CELF5: variants seen among roughly 807,000 people sequenced by gnomAD.
CELF5 encodes CUG-BP and ETR-3 like factor 5.
CELF5 carries 6 observed loss-of-function variants against 54.9 expected under a neutral mutation model. That is an observed-to-expected ratio of 0.11 (90% CI 0.06 to 0.22). CELF5 has a LOEUF of 0.22. Among genes scored for constraint, CELF5 ranks in the 10% least tolerant of loss-of-function variants. CELF5 has a pLI of 1.00. For synonymous variants in CELF5, 271 were observed against 290.9 expected, an observed-to-expected ratio of 0.93 and a Z score of 0.70; for missense variants, 401 against 678.6, an observed-to-expected ratio of 0.59 and a Z score of 4.54.
chr19:3,250,260 G>A (rs563252122), intron 1 of CELF5, among the ~76,000 whole-genome samples: 1 of 152,252 alleles, frequency 6.6e-6, no homozygotes, highest in Non-Finnish European at 1.5e-5. Flanking sequence ...AGGCCGAGGC[G>A]GGCAGATCAC....
intron 2 of CELF5, among the ~76,000 whole-genome samples, chr19:3,254,406 C>T (rs2079691249): frequency 2.0e-5 from 3 of 151,890 alleles, no homozygotes; most frequent in Admixed American, 2.0e-4. Flanking sequence ...ATCCATCATC[C>T]ACCCATCCTC....
At chr19:3,239,792 GC>G (rs1360202989) in intron 1 of CELF5, among the ~76,000 whole-genome samples, 1 of 150,848 alleles carries the variant, frequency 6.6e-6, no homozygotes, top group Non-Finnish European at 1.5e-5. Flanking sequence ...CCTTGACTCT[GC>G]CCCCTCACTG....
chr19:3,247,171 G>T (rs1006263392), intron 1 of CELF5, among the ~76,000 whole-genome samples: 2 of 152,140 alleles, frequency 1.3e-5, no homozygotes, highest in African/African-American at 4.8e-5. Context: ...GTGTCACCCA[G>T]GCTGGAGTGC....
Position 3,284,890 on chromosome 19 carries a change from G to A in CELF5, c.1040-12G>A. ...TGCTCCCGCCCCACTCAGCCCCTCT[G>A]TCTGCCCGCAGCTCAGAGCCCGACT... is the stretch of plus-strand genomic sequence containing the variant. On this transcript the variant is annotated splice_polypyrimidine_tract_variant and intron_variant, in intron 8 of 12. Transcript: ENST00000292672. 6.2e-7 allele frequency: 1 copy of A among 1,612,180 alleles called. No individual in the cohort carries two copies. The highest frequency in any genetic ancestry group is 2.2e-5 in the East Asian group (1 of 44,802).
At chr19:3,287,130 A>G (rs1053606994) in intron 10 of CELF5, among the ~76,000 whole-genome samples, 6 of 151,942 alleles carry the variant, frequency 3.9e-5, no homozygotes, top group African/African-American at 1.5e-4. Flanking sequence ...ATAAATTAGG[A>G]TGGAGCTGCA....
chr19:3,225,723 C>T lies in CELF5; in HGVS notation c.259+725C>T, dbSNP rs1916871279. The T allele has an allele frequency of 1.4e-5, 4 of 292,852 alleles. No homozygotes were observed. The Middle Eastern group carries it at 5.3e-3, about 385-fold the overall frequency. 18.1% of individuals were successfully genotyped at this position (292,852 alleles called of 1,614,324 possible). A position where few individuals can be genotyped will look rare whatever the true frequency, so the allele number is the denominator to read the frequency against. ...GCTCCCGTCGCTGCCCACCCCCTGG[C>T]CCCACCACCTCCGCGTGGATCAGCA... On this transcript the variant is annotated intron_variant, in intron 1 of 12. Transcript: ENST00000292672.
intron 1 of CELF5, among the ~76,000 whole-genome samples, chr19:3,242,595 G>A (rs1338092609): frequency 6.6e-6 from 1 of 152,082 alleles, no homozygotes; most frequent in African/African-American, 2.4e-5. Flanking sequence ...TCATAAGGTC[G>A]GGAGTTCAAG....
rs60632293 is a variant in CELF5, at chr19:3,228,875, C to CGTGT, written c.259+3914_259+3917dup. Among the ~76,000 whole-genome samples the CGTGT allele has an allele frequency of 0.063, 7,830 of 124,034 alleles. 247 individuals carry two copies. The highest frequency in any genetic ancestry group is 0.095 in the Middle Eastern group (21 of 220). The allele number at this position is 124,034 out of a possible 152,430, so 81.4% of individuals were successfully genotyped here. A position where few individuals can be genotyped will look rare whatever the true frequency, so the allele number is the denominator to read the frequency against. On this transcript the variant is annotated intron_variant, in intron 1 of 12. Transcript: ENST00000292672. This position sits in a 1 kb window ranked among gnomAD's most constrained non-coding sequence, Gnocchi z 6.0. ...GGGGGTGGCTGGCAGGGTTGGCCGG[C>CGTGT]GTGTGTGTGTGTGTGTGTGTGTGTG... is the stretch of plus-strand genomic sequence containing the variant.
chr19:3,267,215 C>T lies in CELF5; in HGVS notation c.343-6657C>T, dbSNP rs1190953896. Among the ~76,000 whole-genome samples the T allele has an allele frequency of 2.6e-5, 4 of 152,112 alleles. No individual in the cohort carries two copies. The East Asian group carries it at 7.7e-4, about 29-fold the overall frequency. ...GCTTGACTTTCCACTTCTACCCCCT[C>T]ATCCTGGCACAGGGGAGCCCCCCCC... On this transcript the variant is annotated intron_variant, in intron 2 of 12. Coordinates refer to ENST00000292672, the MANE Select transcript of CELF5 (RefSeq NM_021938.4).
chr19:3,291,335 G>A (rs2080344091), intron 11 of CELF5, among the ~76,000 whole-genome samples: 1 of 152,028 alleles, frequency 6.6e-6, no homozygotes, highest in African/African-American at 2.4e-5. Flanking sequence ...GGAGGCTGAG[G>A]TGGGTGGTTC....
Position 3,271,101 on chromosome 19 carries a change from G to A in CELF5, c.343-2771G>A, listed in dbSNP as rs542424180. Among the ~76,000 whole-genome samples the A allele has an allele frequency of 8.6e-5, 13 of 151,708 alleles. No homozygotes were observed. In the East Asian group the frequency reaches 2.1e-3, roughly 25 times the overall value. On this transcript the variant is annotated intron_variant, in intron 2 of 12. Transcript: ENST00000292672. ...ATGGCAACAACAATTGCCAGCTTCC[G>A]TGTGGTGAATCAGCGTTGCCATGGC...
chr19:3,238,325 A>T (rs1024281124), intron 1 of CELF5, among the ~76,000 whole-genome samples: 2 of 149,488 alleles, frequency 1.3e-5, no homozygotes, highest in Non-Finnish European at 3.0e-5. Context: ...AAACCCTGAG[A>T]TCCCGCAGGG....
chr19:3,224,759 G>A lies in CELF5; in HGVS notation c.20G>A (p.Ser7Asn). 7.0e-7 allele frequency: 1 copy of A among 1,421,094 alleles called. No homozygotes were observed. The highest frequency in any genetic ancestry group is 1.5e-5 in the South Asian group (1 of 67,870). The allele number at this position is 1,421,094 out of a possible 1,614,324, so 88.0% of individuals were successfully genotyped here. A position where few individuals can be genotyped will look rare whatever the true frequency, so the allele number is the denominator to read the frequency against. Residue 7 changes from serine to asparagine, a missense_variant, in exon 1 of 13, where the codon AGC becomes AAC. Physicochemically the swap from Ser to Asn is conservative, Grantham distance 46. Around this residue, in one of 6 missense-constraint regions of CELF5, gnomAD observed 46 missense variants for 55.0 expected, o/e 0.84. Transcript: ENST00000292672. The stretch of plus-strand genomic sequence containing the variant: ...CCCGCCATGGCCCGCCTGACGGAGA[G>A]CGAGGCGCGCCGGCAGCAGCAGCAG... Reference protein sequence around the residue: MARLTESEARRQQQQLL... With the variant: MARLTENEARRQQQQLL...
rs144737319 is a variant in CELF5 at position 3,248,837 on chromosome 19, A to G, written c.260-2148A>G. 5.4e-3 allele frequency among the ~76,000 whole-genome samples: 778 copies of G among 143,776 alleles called. 4 individuals carry two copies. Among genetic ancestry groups the G allele is most frequent in the Middle Eastern group, 0.032 (8 of 248 alleles). 94.3% of individuals were successfully genotyped at this position (143,776 alleles called of 152,430 possible). ...CGTACCATTTTACATTCCTACTACA[A>G]ACTTTTTTCTTTCTTTCTTCCTTCC... On this transcript the variant is annotated intron_variant, in intron 1 of 12. Coordinates refer to ENST00000292672, the MANE Select transcript of CELF5 (RefSeq NM_021938.4).
At chr19:3,251,133 A>C in intron 2 of CELF5, 66 bp downstream of exon 2, 1 of 1,222,454 alleles carries the variant, frequency 8.2e-7, no homozygotes, top group Non-Finnish European at 1.2e-6. Flanking sequence ...GGTGGGAGCC[A>C]AGGCTCTTCC....
rs1263292479 is a variant in CELF5, at chr19:3,239,975, C to G, written c.260-11010C>G. Among the ~76,000 whole-genome samples the G allele has an allele frequency of 2.6e-5, 4 of 151,906 alleles. No homozygotes were observed. In the East Asian group the frequency reaches 7.8e-4, roughly 30 times the overall value. ...TTTGCCTGTTTCACCCTCATCTGTCCCCTCCAATGGCATCCCCCATCTCCT... is the reference window on the plus strand; with the variant it reads ...TTTGCCTGTTTCACCCTCATCTGTCGCCTCCAATGGCATCCCCCATCTCCT... On this transcript the variant is annotated intron_variant, in intron 1 of 12. Coordinates refer to ENST00000292672, the MANE Select transcript of CELF5 (RefSeq NM_021938.4).
intron 2 of CELF5, 126 bp from the exon 3 acceptor site, chr19:3,273,746 G>A (rs1283990652): frequency 1.5e-6 from 1 of 682,326 alleles, no homozygotes; most frequent in Non-Finnish European, 2.7e-6. Context: ...TGTTAGTTGG[G>A]TGGTGGGGTG....
chr19:3,266,739 A>C (rs1438896975), intron 2 of CELF5, among the ~76,000 whole-genome samples: 1 of 152,140 alleles, frequency 6.6e-6, no homozygotes, highest in Non-Finnish European at 1.5e-5. Context: ...TTTTCCCAGG[A>C]ATGCCTGCAG....
chr19:3,233,083 T>A (rs1466396918), intron 1 of CELF5, among the ~76,000 whole-genome samples: 1 of 149,380 alleles, frequency 6.7e-6, no homozygotes, highest in African/African-American at 2.5e-5. Context: ...TCAAAAAAAA[T>A]AAAAATTAAA....
Sources: allele counts gnomAD v4.1 joint callset (sites outside exome capture counted in the v4.1 genomes callset), GRCh38; gene constraint gnomAD v4.1.1; regional missense constraint gnomAD v4.1.1; non-coding constraint Gnocchi (gnomAD v3.1); transcripts MANE v1.5; gene names NCBI Gene and HGNC (gene_info 2026-07-23, HGNC 2026-07-21).